OR3A2: variants seen among roughly 807,000 people sequenced by gnomAD.
OR3A2 encodes olfactory receptor family 3 subfamily A member 2.
For synonymous variants in OR3A2, 126 were observed against 159.3 expected (o/e 0.79, Z 1.57); for missense variants, 318 against 392.8 (o/e 0.81, Z 1.61).
At chr17:3,333,699 G>T (rs570278584) in intron 3 of OR3A2, among the ~76,000 whole-genome samples, 3 of 152,194 alleles carry the variant, frequency 2.0e-5, no homozygotes, top group African/African-American at 7.2e-5. Flanking sequence ...CCCAATAAAA[G>T]ATTTTATGAC....
At chr17:3,301,842 T>G (rs975296649) in intron 3 of OR3A2, among the ~76,000 whole-genome samples, 3 of 152,196 alleles carry the variant, frequency 2.0e-5, no homozygotes, top group Admixed American at 6.5e-5. Context: ...TTTAAGTCTT[T>G]AATCCATCTT....
At chr17:3,336,880 C>G (rs1038791417) in intron 2 of OR3A2, among the ~76,000 whole-genome samples, 4 of 152,202 alleles carry the variant, frequency 2.6e-5, no homozygotes, top group African/African-American at 9.7e-5. Context: ...TGCATCCCTC[C>G]TCACTCCTAC....
chr17:3,340,084 T>C (rs983719458), intron 2 of OR3A2, among the ~76,000 whole-genome samples: 2 of 152,220 alleles, frequency 1.3e-5, no homozygotes, highest in African/African-American at 2.4e-5. Context: ...TATTCTCTGA[T>C]GGTGGTTTGT....
chr17:3,331,177 C>G (rs1288663519), intron 3 of OR3A2, among the ~76,000 whole-genome samples: 3 of 152,130 alleles, frequency 2.0e-5, no homozygotes, highest in Admixed American at 6.5e-5. Flanking sequence ...TTCGGTGAAT[C>G]TGACAATTAT....
chr17:3,326,059 C>T (rs1159199400), intron 3 of OR3A2, among the ~76,000 whole-genome samples: 2 of 152,062 alleles, frequency 1.3e-5, no homozygotes, highest in African/African-American at 4.8e-5. Flanking sequence ...TCTGTGCCCG[C>T]ATTAGTTTGC....
chr17:3,377,531 C>T (rs80106042), intron 2 of OR3A2: 11,329 of 152,242 alleles, frequency 0.074, 1,014 homozygotes, highest in East Asian at 0.49. Context: ...TCCCCGAAGA[C>T]TCCTTCAGGC....
At chr17:3,333,939 G>A (rs1240305796) in intron 3 of OR3A2, among the ~76,000 whole-genome samples, 1 of 152,026 alleles carries the variant, frequency 6.6e-6, no homozygotes, top group Non-Finnish European at 1.5e-5. Context: ...CAAAAAGTGG[G>A]CAAAGGACAT....
intron 2 of OR3A2, among the ~76,000 whole-genome samples, chr17:3,343,513 G>A (rs2049338136): frequency 6.6e-6 from 1 of 152,172 alleles, no homozygotes; most frequent in Non-Finnish European, 1.5e-5. Flanking sequence ...TTAATGTGCT[G>A]CGTCTTGCTT....
chr17:3,371,689 C>T (rs1400192075), intron 2 of OR3A2, among the ~76,000 whole-genome samples: 3 of 118,042 alleles, frequency 2.5e-5, no homozygotes, highest in Non-Finnish European at 3.6e-5. Flanking sequence ...GCTGGCCGGG[C>T]GGGGGTGCTG....
intron 2 of OR3A2, among the ~76,000 whole-genome samples, chr17:3,381,806 A>G (rs1207416344): frequency 6.6e-6 from 1 of 152,088 alleles, no homozygotes; most frequent in East Asian, 1.9e-4. Context: ...CTCAAATGCC[A>G]CCTCTTCTGT....
rs376386027 is a variant in OR3A2 at position 3,332,500 on chromosome 17, A to T, written c.-85+3533T>A. On this transcript the variant is annotated intron_variant, in intron 3 of 4. Transcript: ENST00000573491. ...CGTCACCCCTTTCTTTGACTCAGAA[A>T]GGGAACTCCCTGACCCCTTGCACTT... is the stretch of plus-strand genomic sequence containing the variant. 1.4e-4 allele frequency among the ~76,000 whole-genome samples: 22 copies of T among 152,340 alleles called. No individual in the cohort carries two copies. The East Asian group carries it at 3.7e-3, about 25-fold the overall frequency.
At chr17:3,277,976 C>G in exon 2 of OR3A2, 1 of 1,596,314 alleles carries the variant, frequency 6.3e-7, no homozygotes, top group Non-Finnish European at 8.6e-7. Context: ...CCTCTCAGGT[C>G]AGTGATCTCC....
intron 2 of OR3A2, among the ~76,000 whole-genome samples, chr17:3,371,198 C>T (rs2049614143): frequency 6.6e-6 from 1 of 152,026 alleles, no homozygotes. Context: ...GGCGGCCGGG[C>T]AGAGGCGCCC....
At position 3,328,564 on chromosome 17, in the gene OR3A2, A is replaced by G. The variant is rs897263481; in HGVS notation, c.-85+7469T>C. On this transcript the variant is annotated intron_variant, in intron 3 of 4. Transcript: ENST00000573491. ...TACCCTTTATTTCCTTCTCCTGCCTAATTGCCCTGGCCAGAACTTCCAACA... is the reference window on the plus strand; with the variant it reads ...TACCCTTTATTTCCTTCTCCTGCCTGATTGCCCTGGCCAGAACTTCCAACA... Among the ~76,000 whole-genome samples, 16 of 145,462 alleles carry G rather than the reference A, an allele frequency of 1.1e-4. No homozygotes were observed. In the East Asian group the frequency reaches 1.4e-3, roughly 13 times the overall value.
chr17:3,278,424 G>A lies in OR3A2; in HGVS notation c.494C>T (p.Ala165Val), dbSNP rs372064184. The change falls in exon 2 of 2, where the codon GCC (alanine) becomes GTC (valine). Residue 165 changes from alanine to valine, a missense_variant. By Grantham distance (64) the Ala-to-Val change is moderately conservative (BLOSUM62 0). Transcript: ENST00000642052. ...GCCACAGAAGTTGAGCGTGGACATG[G>A]CCACAGTGTGGGTCAGTGCGTTGGT... The A allele has an allele frequency of 2.3e-4, 367 of 1,614,096 alleles. 1 individual carries two copies. The highest frequency in any genetic ancestry group is 2.9e-4 in the Non-Finnish European group (348 of 1,180,060).
chr17:3,337,120 T>C (rs1425561396), intron 2 of OR3A2, among the ~76,000 whole-genome samples: 1 of 152,210 alleles, frequency 6.6e-6, no homozygotes, highest in East Asian at 1.9e-4. Flanking sequence ...ATGAAATTCT[T>C]TTTATTTAAC....
intron 2 of OR3A2, among the ~76,000 whole-genome samples, chr17:3,357,686 C>T (rs2049475101): frequency 6.6e-6 from 1 of 151,358 alleles, no homozygotes; most frequent in Non-Finnish European, 1.5e-5. Context: ...GTGAACTGTA[C>T]ACTTAAAAAT....
At chr17:3,300,417 G>A (rs1246601354) in intron 3 of OR3A2, among the ~76,000 whole-genome samples, 1 of 152,032 alleles carries the variant, frequency 6.6e-6, no homozygotes, top group Non-Finnish European at 1.5e-5. Flanking sequence ...AAATTAGCTG[G>A]GCATGGTGGC....
At position 3,375,300 on chromosome 17, in the gene OR3A2, CT is replaced by C. The variant is rs58991111; in HGVS notation, c.-179+8503del. Among the ~76,000 whole-genome samples, 105 of 66,518 alleles carry C rather than the reference CT, an allele frequency of 1.6e-3. 1 individual carries two copies. The highest frequency in any genetic ancestry group is 3.9e-3 in the African/African-American group (69 of 17,724). The allele number at this position is 66,518 out of a possible 152,430, so 43.6% of individuals were successfully genotyped here. On this transcript the variant is annotated intron_variant, in intron 2 of 4. Coordinates refer to the OR3A2 transcript ENST00000573491. ...TCACCTGGACTTGACAGATTTCTTC[CT>C]TTTTTTTTTTTTTTTCTTTTTGAGA...
Sources: allele counts gnomAD v4.1 joint callset (sites outside exome capture counted in the v4.1 genomes callset), GRCh38; gene constraint gnomAD v4.1.1; transcripts MANE v1.5; gene names NCBI Gene and HGNC (gene_info 2026-07-23, HGNC 2026-07-21).